Variants in SLC44A5 observed in about 807,000 individuals in gnomAD.
The protein encoded by SLC44A5 is choline transporter-like protein 5.
A neutral mutation model predicts 101.8 loss-of-function variants in SLC44A5; 57 were observed. The observed-to-expected ratio is 0.56, with a 90% confidence interval of 0.45 to 0.70. The LOEUF (loss-of-function observed/expected upper bound fraction) is 0.70. Among genes scored for constraint, SLC44A5 ranks in the 30% least tolerant of loss-of-function variants. SLC44A5 has a pLI of 0.00. For synonymous variants in SLC44A5, 281 were observed against 290.9 expected (o/e 0.97, Z 0.35); for missense variants, 737 against 853.1 (o/e 0.86, Z 1.70).
At chr1:75,269,952 A>G (rs1651329608) in intron 6 of SLC44A5, among the ~76,000 whole-genome samples, 1 of 152,134 alleles carries the variant, frequency 6.6e-6, no homozygotes, top group African/African-American at 2.4e-5. Flanking sequence ...CTGTTAGTGA[A>G]TAAGTCTCAC....
chr1:75,630,742 TAAG>T, the SLC44A5 span, among the ~76,000 whole-genome samples: 1 of 152,144 alleles, frequency 6.6e-6, no homozygotes, highest in African/African-American at 2.4e-5. Context: ...AAAAATAAAA[TAAG>T]AAGAGATCAG....
At chr1:75,659,492 G>GGAAGGAAGGAAGAAA in the SLC44A5 span, among the ~76,000 whole-genome samples, 1 of 46,034 alleles carries the variant, frequency 2.2e-5, no homozygotes, top group East Asian at 2.5e-4. Context: ...AAGGAAGGAA[G>GGAAGGAAGGAAGAAA]GCAGGCAGGC....
intron 12 of SLC44A5, among the ~76,000 whole-genome samples, chr1:75,229,291 C>G (rs928552861): frequency 1.3e-5 from 2 of 152,124 alleles, no homozygotes; most frequent in Non-Finnish European, 2.9e-5. Flanking sequence ...TATATCTCAT[C>G]TCTTTGCTAC....
chr1:75,628,550 G>A, the SLC44A5 span, among the ~76,000 whole-genome samples: 1 of 152,072 alleles, frequency 6.6e-6, no homozygotes, highest in Non-Finnish European at 1.5e-5. Flanking sequence ...TTAAGGTTTC[G>A]ATATTGGATT....
At chr1:75,713,909 C>T in the SLC44A5 span, among the ~76,000 whole-genome samples, 19 of 151,700 alleles carry the variant, frequency 1.3e-4, no homozygotes, top group Non-Finnish European at 2.4e-4. Context: ...CTCGAGCAAT[C>T]TTCCTGCCTC....
chr1:75,555,253 T>C (rs1672154025), intron 1 of SLC44A5, among the ~76,000 whole-genome samples: 1 of 152,054 alleles, frequency 6.6e-6, no homozygotes. Context: ...ATCAGATCAG[T>C]GGTTGCCTGA....
chr1:75,596,202 G>GCACACA (rs76901767), intron 1 of SLC44A5, among the ~76,000 whole-genome samples: 18 of 141,064 alleles, frequency 1.3e-4, no homozygotes, highest in African/African-American at 2.6e-4. Context: ...GTAGACACAT[G>GCACACA]CACACACACA....
chr1:75,465,662 A>T (rs1666773973), intron 2 of SLC44A5, among the ~76,000 whole-genome samples: 1 of 152,058 alleles, frequency 6.6e-6, no homozygotes, highest in Non-Finnish European at 1.5e-5. Context: ...AAGAGAGAAG[A>T]CCCAAATAAA....
At chr1:75,302,686 C>T (rs993081351) in intron 4 of SLC44A5, among the ~76,000 whole-genome samples, 3 of 152,092 alleles carry the variant, frequency 2.0e-5, no homozygotes, top group African/African-American at 7.2e-5. Flanking sequence ...AAAATTATAA[C>T]AATATGCCGC....
chr1:75,341,794 G>C (rs1657903933), intron 3 of SLC44A5, among the ~76,000 whole-genome samples: 2 of 152,010 alleles, frequency 1.3e-5, no homozygotes, highest in Admixed American at 1.3e-4. Flanking sequence ...CATCATTCCT[G>C]GTTCTAGATT....
Position 75,428,520 on chromosome 1 carries a change from A to C in SLC44A5, c.14-31899T>G, listed in dbSNP as rs148273200. On this transcript the variant is annotated intron_variant, in intron 2 of 23. Coordinates refer to ENST00000370859, the MANE Select transcript of SLC44A5 (RefSeq NM_001130058.2). ...TCTGCTAACTCAAATGAAGCTTTAG[A>C]GTGCAAATGTGATCCGATCAGATGT... Among the ~76,000 whole-genome samples the C allele has an allele frequency of 6.1e-3, 930 of 152,290 alleles. 17 individuals carry two copies. The highest frequency in any genetic ancestry group is 0.021 in the African/African-American group (879 of 41,560).
chr1:75,484,693 G>T (rs1668062030), intron 2 of SLC44A5, among the ~76,000 whole-genome samples: 1 of 152,204 alleles, frequency 6.6e-6, no homozygotes, highest in Non-Finnish European at 1.5e-5. Context: ...CCTAATGAAG[G>T]TTCTCCACAA....
intron 2 of SLC44A5, among the ~76,000 whole-genome samples, chr1:75,505,623 C>T (rs550710109): frequency 2.0e-5 from 3 of 152,112 alleles, no homozygotes; most frequent in African/African-American, 7.2e-5. Context: ...AGCATTTATT[C>T]ATACTTTTTT....
rs572116513 is a variant in SLC44A5 at position 75,228,386 on chromosome 1, A to G, written c.854-529T>C. Among the ~76,000 whole-genome samples, 356 of 151,980 alleles carry G rather than the reference A, an allele frequency of 2.3e-3. 3 individuals are homozygous for G. The highest frequency in any genetic ancestry group is 8.2e-3 in the African/African-American group (342 of 41,508). ...ATGTCTTCTTCCACTTTCTTTTGTT[A>G]TTGATTGCTAGTATATTCTTTCCAT... On this transcript the variant is annotated intron_variant, in intron 12 of 23. Coordinates refer to ENST00000370859, the MANE Select transcript of SLC44A5 (RefSeq NM_001130058.2).
At chr1:75,220,525 T>C (rs1431943841) in intron 14 of SLC44A5, among the ~76,000 whole-genome samples, 1 of 152,066 alleles carries the variant, frequency 6.6e-6, no homozygotes, top group Non-Finnish European at 1.5e-5. Context: ...TGCAGTTAAA[T>C]GTATTTTTAA....
Position 75,242,038 on chromosome 1 carries a change from A to G in SLC44A5, c.495T>C (p.Asp165=). Residue 165 remains aspartate (D), a synonymous_variant, in exon 9 of 24, where the codon GAT becomes GAC. Transcript: ENST00000370859. The part of the protein sequence containing the change: ...PVKSLTQLLL[D]DDCPTAIFPS... ...GAAAAATCGCTGTTGGACAATCATCATCCAGTAAAAGCTGTGTGAGAGACT... is the reference window on the plus strand; with the variant it reads ...GAAAAATCGCTGTTGGACAATCATCGTCCAGTAAAAGCTGTGTGAGAGACT... 3.7e-6 allele frequency: 6 copies of G among 1,612,444 alleles called. No homozygotes were observed. Among genetic ancestry groups the G allele is most frequent in the Non-Finnish European group, 5.1e-6 (6 of 1,178,906 alleles).
intron 4 of SLC44A5, among the ~76,000 whole-genome samples, chr1:75,331,396 CT>C (rs1323449649): frequency 6.6e-6 from 1 of 152,018 alleles, no homozygotes; most frequent in Non-Finnish European, 1.5e-5. Context: ...CTCATTTTTT[CT>C]CTTGCTTTTC....
intron 1 of SLC44A5, among the ~76,000 whole-genome samples, chr1:75,576,250 A>G (rs1234312995): frequency 6.6e-6 from 1 of 152,056 alleles, no homozygotes; most frequent in Non-Finnish European, 1.5e-5. Flanking sequence ...ATGAAGTTGG[A>G]GATGGAGATA....
chr1:75,401,517 A>G (rs1465784295), intron 2 of SLC44A5, among the ~76,000 whole-genome samples: 1 of 152,176 alleles, frequency 6.6e-6, no homozygotes, highest in Non-Finnish European at 1.5e-5. Flanking sequence ...CCTCAGCAAA[A>G]GGCAAGCATG....
Sources: allele counts gnomAD v4.1 joint callset (sites outside exome capture counted in the v4.1 genomes callset), GRCh38; gene constraint gnomAD v4.1.1; transcripts MANE v1.5; gene names NCBI Gene and HGNC (gene_info 2026-07-23, HGNC 2026-07-21).